The following FHIT variants were observed in gnomAD, a reference collection of about 807,000 sequenced individuals.
FHIT encodes bis(5'-adenosyl)-triphosphatase.
FHIT carries 19 observed loss-of-function variants against 17.9 expected under a neutral mutation model. The observed-to-expected ratio is 1.06, with a 90% CI of 0.74 to 1.56. The LOEUF (loss-of-function observed/expected upper bound fraction) is 1.56, where lower values mean the gene tolerates loss of function less well. FHIT is among the 40% of genes most tolerant of loss of function. The pLI, the probability that FHIT is intolerant of heterozygous loss-of-function variation, is 0.00. For synonymous variants in FHIT, 81 were observed against 69.7 expected (o/e 1.16, Z -0.81); for missense variants, 248 against 189.2 (o/e 1.31, Z -1.82).
chr3:59,763,309 T>C (rs1701622121), intron 8 of FHIT, among the ~76,000 whole-genome samples: 1 of 152,212 alleles, frequency 6.6e-6, no homozygotes, highest in African/African-American at 2.4e-5. Context: ...CACTACAAGA[T>C]GCTACGCAAA....
intron 5 of FHIT, among the ~76,000 whole-genome samples, chr3:60,417,386 T>G (rs1702289586): frequency 6.6e-6 from 1 of 152,110 alleles, no homozygotes; most frequent in African/African-American, 2.4e-5. Flanking sequence ...GTCGGTCACT[T>G]TTGGTTCATC....
intron 2 of FHIT, among the ~76,000 whole-genome samples, chr3:61,098,772 A>C (rs1320948962): frequency 6.6e-6 from 1 of 152,134 alleles, no homozygotes; most frequent in Admixed American, 6.6e-5. Flanking sequence ...GGTATATAGG[A>C]ATGTTTGTGA....
At chr3:61,127,359 G>A (rs2036637564) in intron 2 of FHIT, among the ~76,000 whole-genome samples, 1 of 152,062 alleles carries the variant, frequency 6.6e-6, no homozygotes, top group Non-Finnish European at 1.5e-5. Context: ...CTCACAGGAG[G>A]AATTTTATAT....
At chr3:59,969,197 G>C (rs1342047438) in intron 7 of FHIT, among the ~76,000 whole-genome samples, 1 of 152,112 alleles carries the variant, frequency 6.6e-6, no homozygotes, top group Admixed American at 6.6e-5. Flanking sequence ...GCTGTTCTAC[G>C]CATATTTACT....
chr3:60,207,154 G>C (rs1300283850), intron 5 of FHIT, among the ~76,000 whole-genome samples: 2 of 148,176 alleles, frequency 1.3e-5, no homozygotes, highest in African/African-American at 4.9e-5. Flanking sequence ...AATAAGTAGG[G>C]AGTGTGTCAG....
intron 4 of FHIT, among the ~76,000 whole-genome samples, chr3:60,544,211 C>A (rs1220751803): frequency 1.3e-5 from 2 of 151,604 alleles, no homozygotes; most frequent in South Asian, 4.2e-4. Flanking sequence ...GGATCCTTTT[C>A]TTGTTCCTGA....
chr3:60,923,565 C>A (rs1216506104), intron 3 of FHIT, among the ~76,000 whole-genome samples: 9 of 152,112 alleles, frequency 5.9e-5, no homozygotes, highest in African/African-American at 1.7e-4. Context: ...GTATTTAAAA[C>A]ATATTCACGA....
intron 6 of FHIT, among the ~76,000 whole-genome samples, chr3:60,012,254 GTTTTTTTTGTTGT>G (rs1180650567): frequency 1.5e-5 from 2 of 132,306 alleles, no homozygotes; most frequent in Non-Finnish European, 3.2e-5. Flanking sequence ...TAAATCAGGT[GTTTTTTTTGTTGT>G]TTTTTTTTTT....
chr3:60,876,378 T>C (rs546415076), intron 3 of FHIT, among the ~76,000 whole-genome samples: 1 of 152,256 alleles, frequency 6.6e-6, no homozygotes, highest in East Asian at 1.9e-4. Context: ...GGTTAAAAAG[T>C]TTAACAGAAT....
intron 3 of FHIT, among the ~76,000 whole-genome samples, chr3:60,983,796 C>A (rs1364964406): frequency 6.6e-6 from 1 of 152,156 alleles, no homozygotes; most frequent in African/African-American, 2.4e-5. Context: ...AGCTTGCACT[C>A]ATGGCAGACA....
At chr3:60,884,411 AC>A (rs1226079996) in intron 3 of FHIT, among the ~76,000 whole-genome samples, 1 of 152,156 alleles carries the variant, frequency 6.6e-6, no homozygotes, top group African/African-American at 2.4e-5. Flanking sequence ...ATATCTGCAT[AC>A]CCATGTTTAC....
chr3:60,519,928 G>A (rs2035297563), intron 5 of FHIT, among the ~76,000 whole-genome samples: 1 of 152,270 alleles, frequency 6.6e-6, no homozygotes, highest in East Asian at 1.9e-4. Flanking sequence ...GATGATTAGT[G>A]TCCTGAGGAG....
intron 5 of FHIT, among the ~76,000 whole-genome samples, chr3:60,138,644 T>A (rs887667076): frequency 1.3e-5 from 2 of 152,052 alleles, no homozygotes; most frequent in South Asian, 2.1e-4. Context: ...AGAGACTGAG[T>A]CTCAGTAGAG....
intron 5 of FHIT, among the ~76,000 whole-genome samples, chr3:60,308,106 T>G (rs1708767655): frequency 6.6e-6 from 1 of 152,098 alleles, no homozygotes; most frequent in African/African-American, 2.4e-5. Flanking sequence ...GGAGTTGAAC[T>G]TGATAAATCC....
intron 3 of FHIT, among the ~76,000 whole-genome samples, chr3:60,918,999 A>G (rs1707146633): frequency 6.6e-6 from 1 of 152,188 alleles, no homozygotes; most frequent in African/African-American, 2.4e-5. Flanking sequence ...AAAAAAAGGG[A>G]GTTGCTTTAA....
intron 4 of FHIT, among the ~76,000 whole-genome samples, chr3:60,723,601 T>G (rs1269609521): frequency 2.0e-5 from 3 of 152,250 alleles, no homozygotes; most frequent in African/African-American, 4.8e-5. Flanking sequence ...AAGAGCATCC[T>G]GTGTGACTGC....
At chr3:61,011,854 T>G (rs1269310931) in intron 3 of FHIT, among the ~76,000 whole-genome samples, 1 of 152,140 alleles carries the variant, frequency 6.6e-6, no homozygotes, top group Non-Finnish European at 1.5e-5. Context: ...GCAAACCTCC[T>G]CACCATATCA....
intron 8 of FHIT, among the ~76,000 whole-genome samples, chr3:59,769,731 AT>A (rs11352722): frequency 0.68 from 88,783 of 129,734 alleles, 29,653 homozygotes; most frequent in East Asian, 0.93. Flanking sequence ...ACTAGTTTTG[AT>A]TTTTTTTTTT....
intron 8 of FHIT, among the ~76,000 whole-genome samples, chr3:59,833,202 G>A (rs1372162028): frequency 1.3e-5 from 2 of 152,140 alleles, no homozygotes; most frequent in East Asian, 1.9e-4. Flanking sequence ...GCTTCAAATG[G>A]ATATGTTGAA....
Sources: allele counts gnomAD v4.1 joint callset (sites outside exome capture counted in the v4.1 genomes callset), GRCh38; gene constraint gnomAD v4.1.1; transcripts MANE v1.5; gene names NCBI Gene and HGNC (gene_info 2026-07-23, HGNC 2026-07-21).